Variants in LDB3 observed in about 807,000 individuals in gnomAD.
The protein encoded by LDB3 is LIM domain-binding protein 3.
Under a neutral mutation model 69.0 loss-of-function variants are expected in LDB3, and 49 were observed. The observed-to-expected ratio is 0.71, with a 90% CI of 0.56 to 0.90. LDB3 has a LOEUF of 0.90. LDB3 is among the 40% of genes least tolerant of loss of function. The pLI is 0.00. For missense variants in LDB3, 928 were observed against 974.1 expected (o/e 0.95, Z 0.63); for synonymous variants, 387 against 396.2 (o/e 0.98, Z 0.28).
At chr10:86,685,612 G>T (rs552953308) in intron 5 of LDB3, 17 of 1,551,532 alleles carry the variant, frequency 1.1e-5, no homozygotes, top group Non-Finnish European at 1.5e-5. Flanking sequence ...TGGCCCCGGC[G>T]CTCAAACTGC....
rs1285506530 is a variant in LDB3, at chr10:86,681,702, C to T, written c.588C>T (p.Asn196=). ...LPGSSQPRQY[N]NPIGLYSAET... is the part of the protein sequence containing the mutation. ...GCTCGAGCCAGCCGAGGCAATATAA[C>T]AACCCCATTGGCCTGTACTCGGCAG... Residue 196 remains asparagine (N), a synonymous_variant, in exon 5 of 14, where the codon AAC becomes AAT. Coordinates refer to ENST00000361373, the MANE Select transcript of LDB3 (RefSeq NM_007078.3). 2 of 1,613,662 alleles carry T rather than the reference C, an allele frequency of 1.2e-6. No homozygotes were observed. The highest frequency in any genetic ancestry group is 1.7e-6 in the Non-Finnish European group (2 of 1,179,906).
At chr10:86,725,669 A>T (rs1847227471) in intron 12 of LDB3, among the ~76,000 whole-genome samples, 1 of 152,232 alleles carries the variant, frequency 6.6e-6, no homozygotes, top group African/African-American at 2.4e-5. Context: ...AATACTGTTT[A>T]TAGTAGTAAA....
At chr10:86,726,307 T>C in intron 13 of LDB3, 55 bp downstream of exon 13, 4 of 1,455,042 alleles carry the variant, frequency 2.7e-6, no homozygotes, top group South Asian at 1.2e-5. Flanking sequence ...AGGGAGGAAG[T>C]GGGAGCCAGA....
In LDB3 at chr10:86,721,499, A is replaced by T. The variant is rs144644948; in HGVS notation, c.1978+2652A>T. Among the ~76,000 whole-genome samples, 258 of 152,318 alleles carry T rather than the reference A, an allele frequency of 1.7e-3. 2 individuals carry two copies. Among genetic ancestry groups the T allele is most frequent in the African/African-American group, 6.0e-3 (251 of 41,564 alleles). On this transcript the variant is annotated intron_variant, in intron 12 of 13. Coordinates refer to ENST00000361373, the MANE Select transcript of LDB3 (RefSeq NM_007078.3). ...GAACCTGCACCCGAGCAGTTCCCAA[A>T]CCTGGCATCATGGTCACCTAGGGAA...
chr10:86,667,753 G>A (rs115533115), upstream of LDB3, among the ~76,000 whole-genome samples: 485 of 152,356 alleles, frequency 3.2e-3, 2 homozygotes, highest in African/African-American at 0.011. Context: ...TGGAGGGGAT[G>A]GGCCTGCCTC....
chr10:86,687,046 G>A (rs113864425), intron 5 of LDB3: 444 of 1,611,056 alleles, frequency 2.8e-4, no homozygotes, highest in African/African-American at 1.3e-3. Flanking sequence ...CTCCCTGCCC[G>A]TACTCCCGCA....
chr10:86,683,899 G>A lies in LDB3; in HGVS notation c.689+2096G>A, dbSNP rs1355466800. On this transcript the variant is annotated intron_variant, in intron 5 of 13. Transcript: ENST00000361373. The stretch of plus-strand genomic sequence containing the variant: ...TCAGTCTGCACAACCCACCTGCGGG[G>A]TAGGCACTACCATCTCAAGAATTAG... 2.6e-5 allele frequency among the ~76,000 whole-genome samples: 4 copies of A among 152,230 alleles called. No homozygotes were observed. In the East Asian group the frequency reaches 5.8e-4, roughly 22 times the overall value.
chr10:86,696,386 A>C (rs1846000096), intron 7 of LDB3, among the ~76,000 whole-genome samples: 1 of 152,214 alleles, frequency 6.6e-6, no homozygotes, highest in Admixed American at 6.5e-5. Context: ...CAACTGGAGC[A>C]CCAGGGATGT....
chr10:86,717,125 C>T (rs942720388), intron 10 of LDB3, among the ~76,000 whole-genome samples: 4 of 152,238 alleles, frequency 2.6e-5, no homozygotes, highest in South Asian at 2.1e-4. Context: ...TGGTTTTGAC[C>T]CAGTTTTCCT....
chr10:86,681,943 T>C (rs1845172619), intron 5 of LDB3, 140 bp downstream of exon 5: 3 of 876,772 alleles, frequency 3.4e-6, no homozygotes, highest in Non-Finnish European at 5.3e-6. Flanking sequence ...TCAGCAGTGA[T>C]CCTGCGGCAT....
chr10:86,698,941 G>A (rs1362406228), intron 7 of LDB3, among the ~76,000 whole-genome samples: 3 of 152,072 alleles, frequency 2.0e-5, no homozygotes, highest in African/African-American at 7.2e-5. Flanking sequence ...ATGGACCAGG[G>A]AGGCCCTCTT....
At chr10:86,732,852 A>T in intron 13 of LDB3, 35 bp from the exon 14 acceptor site, 1 of 1,552,464 alleles carries the variant, frequency 6.4e-7, no homozygotes, top group Non-Finnish European at 8.9e-7. Flanking sequence ...GCCCTGTGCC[A>T]CGTGGGTCTC....
intron 9 of LDB3, among the ~76,000 whole-genome samples, chr10:86,715,582 GAC>G (rs1401608954): frequency 6.6e-6 from 1 of 152,152 alleles, no homozygotes; most frequent in Non-Finnish European, 1.5e-5. Flanking sequence ...CAGTCACTCA[GAC>G]ACACTCTCAG....
At chr10:86,667,500 T>A (rs1844226711), upstream of LDB3, among the ~76,000 whole-genome samples, 1 of 152,186 alleles carries the variant, frequency 6.6e-6, no homozygotes, top group Admixed American at 6.5e-5. Context: ...CAGAACACAC[T>A]GTCTCTGGGG....
At chr10:86,707,804 C>T (rs930881569) in intron 8 of LDB3, among the ~76,000 whole-genome samples, 1 of 152,230 alleles carries the variant, frequency 6.6e-6, no homozygotes, top group African/African-American at 2.4e-5. Context: ...AACCTTTCCC[C>T]AGCCCAACTC....
At chr10:86,677,850 C>T (rs2132354137) in intron 2 of LDB3, among the ~76,000 whole-genome samples, 1 of 152,312 alleles carries the variant, frequency 6.6e-6, no homozygotes, top group Middle Eastern at 3.4e-3. Context: ...CACAAAGCAC[C>T]TGGCACTAAG....
chr10:86,678,416 G>A (rs566683188), intron 2 of LDB3, among the ~76,000 whole-genome samples: 4 of 147,136 alleles, frequency 2.7e-5, no homozygotes, highest in South Asian at 2.2e-4. Context: ...CTCAGCTCAC[G>A]GCAACCTCTG....
At chr10:86,678,014 G>A (rs1844893979) in intron 2 of LDB3, among the ~76,000 whole-genome samples, 1 of 152,084 alleles carries the variant, frequency 6.6e-6, no homozygotes, top group Non-Finnish European at 1.5e-5. Context: ...GGCTAATCAA[G>A]GTTACAAATA....
intron 2 of LDB3, among the ~76,000 whole-genome samples, chr10:86,672,112 A>AAAATAAAT (rs57731777): frequency 3.3e-5 from 5 of 151,708 alleles, no homozygotes; most frequent in African/African-American, 1.2e-4. Context: ...CTCCATCTTA[A>AAAATAAAT]AAATAAATAA....
Sources: gnomAD v4.1 joint callset for allele counts (sites outside exome capture counted in the v4.1 genomes callset) on GRCh38, gnomAD v4.1.1 for gene constraint, MANE v1.5 for transcripts, NCBI Gene and HGNC (gene_info 2026-07-23, HGNC 2026-07-21) for gene names.